Variants in GMDS observed in about 807,000 individuals in gnomAD.
The protein encoded by GMDS is GDP-mannose 4,6 dehydratase.
A neutral mutation model predicts 49.9 loss-of-function variants in GMDS; 20 were observed. The observed-to-expected ratio is 0.40, with a 90% CI of 0.28 to 0.58. GMDS has a LOEUF of 0.58. Among genes scored for constraint, GMDS ranks in the 20% least tolerant of loss-of-function variants. The probability of loss-of-function intolerance (pLI) is 0.42; values close to 1 mark genes in which losing one functional copy is unlikely to be tolerated. For missense variants in GMDS, 362 were observed against 481.4 expected (o/e 0.75, Z 2.32); for synonymous variants, 177 against 178.6 (o/e 0.99, Z 0.07).
At chr6:1,646,857 G>A (rs1471457703) in intron 9 of GMDS, among the ~76,000 whole-genome samples, 1 of 152,168 alleles carries the variant, frequency 6.6e-6, no homozygotes, top group Non-Finnish European at 1.5e-5. Flanking sequence ...TGAATGCCTG[G>A]GTCCTGGGCA....
At chr6:1,746,346 C>T (rs184777921) in intron 7 of GMDS, among the ~76,000 whole-genome samples, 16 of 152,284 alleles carry the variant, frequency 1.1e-4, no homozygotes, top group Admixed American at 2.0e-4. Context: ...CAGTCCTGAC[C>T]TGATTACCAG....
At chr6:1,948,281 C>G (rs997755204) in intron 6 of GMDS, among the ~76,000 whole-genome samples, 3 of 152,272 alleles carry the variant, frequency 2.0e-5, no homozygotes, top group African/African-American at 7.2e-5. Context: ...AAAGTTTTGA[C>G]TCAAACTAAA....
At chr6:1,979,020 C>T (rs902679208) in intron 4 of GMDS, among the ~76,000 whole-genome samples, 1 of 152,084 alleles carries the variant, frequency 6.6e-6, no homozygotes, top group Middle Eastern at 3.2e-3. Flanking sequence ...CACAAAACAA[C>T]AAAAACAAAA....
At chr6:1,678,337 G>A (rs1237906140) in intron 9 of GMDS, among the ~76,000 whole-genome samples, 5 of 152,262 alleles carry the variant, frequency 3.3e-5, no homozygotes, top group Admixed American at 2.6e-4. Context: ...CCCTCCCAAT[G>A]TTCCCACCCA....
intron 4 of GMDS, among the ~76,000 whole-genome samples, chr6:2,099,046 A>G (rs1036908162): frequency 6.6e-6 from 1 of 152,076 alleles, no homozygotes; most frequent in Non-Finnish European, 1.5e-5. Context: ...ATACTACAAT[A>G]CTGTCGCTTA....
intron 1 of GMDS, among the ~76,000 whole-genome samples, chr6:2,208,918 G>A (rs766980990): frequency 1.0e-4 from 15 of 149,468 alleles, no homozygotes; most frequent in African/African-American, 1.5e-4. Context: ...TAACAACTAC[G>A]TGTCTGACCC....
chr6:1,825,143 T>C lies in GMDS; in HGVS notation c.772-82557A>G, dbSNP rs116243348. On this transcript the variant is annotated intron_variant, in intron 7 of 10. Coordinates refer to ENST00000380815, the MANE Select transcript of GMDS (RefSeq NM_001500.4). ...ACGAAAGTCAGTCACCATTTCAGAG[T>C]TGCACACAGGACACAATGCCTAGTG... Among the ~76,000 whole-genome samples, 604 of 152,230 alleles carry C rather than the reference T, an allele frequency of 4.0e-3. 1 individual carries two copies. The highest frequency in any genetic ancestry group is 0.013 in the African/African-American group (559 of 41,530).
At chr6:2,104,852 G>A (rs1211985078) in intron 4 of GMDS, among the ~76,000 whole-genome samples, 1 of 152,018 alleles carries the variant, frequency 6.6e-6, no homozygotes, top group Non-Finnish European at 1.5e-5. Flanking sequence ...TTGCTAAATT[G>A]CAATCTAAAT....
chr6:1,798,978 T>C (rs1425423235), intron 7 of GMDS, among the ~76,000 whole-genome samples: 1 of 152,190 alleles, frequency 6.6e-6, no homozygotes, highest in Non-Finnish European at 1.5e-5. Context: ...ACATAGGGTG[T>C]TCTGGGCCTG....
chr6:1,891,157 A>G (rs1479522815), intron 7 of GMDS, among the ~76,000 whole-genome samples: 3 of 152,180 alleles, frequency 2.0e-5, no homozygotes, highest in Non-Finnish European at 2.9e-5. Context: ...TCCCCCACAC[A>G]GGCATTAGTC....
At chr6:1,893,053 C>G (rs1759954334) in intron 7 of GMDS, among the ~76,000 whole-genome samples, 2 of 152,334 alleles carry the variant, frequency 1.3e-5, no homozygotes, top group South Asian at 4.1e-4. Flanking sequence ...AGGCAAAGAA[C>G]TGGCTTTCGG....
At chr6:2,025,455 T>C (rs946774047) in intron 4 of GMDS, among the ~76,000 whole-genome samples, 1 of 151,064 alleles carries the variant, frequency 6.6e-6, no homozygotes, top group African/African-American at 2.4e-5. Context: ...GGATAAAATG[T>C]TCATGTCAAG....
chr6:1,904,821 C>T (rs531149483), intron 7 of GMDS, among the ~76,000 whole-genome samples: 1 of 152,326 alleles, frequency 6.6e-6, no homozygotes, highest in East Asian at 1.9e-4. Context: ...GCCCTGTTCC[C>T]TCCTTGGGGG....
At chr6:1,683,457 T>C (rs1418037013) in intron 9 of GMDS, among the ~76,000 whole-genome samples, 1 of 152,172 alleles carries the variant, frequency 6.6e-6, no homozygotes, top group Admixed American at 6.5e-5. Context: ...TTAGGATATC[T>C]GCCTCAAGCC....
chr6:2,227,792 G>A (rs562248274), intron 1 of GMDS, among the ~76,000 whole-genome samples: 10 of 152,300 alleles, frequency 6.6e-5, no homozygotes, highest in African/African-American at 1.9e-4. Context: ...AGGCAACAAC[G>A]GGGCCAGCTC....
intron 4 of GMDS, among the ~76,000 whole-genome samples, chr6:1,976,199 T>C (rs1325066576): frequency 1.6e-5 from 1 of 64,368 alleles, no homozygotes. Context: ...GTATACTCTT[T>C]GTTTAAGTCT....
At chr6:2,085,310 G>C (rs1260474335) in intron 4 of GMDS, among the ~76,000 whole-genome samples, 1 of 150,368 alleles carries the variant, frequency 6.7e-6, no homozygotes, top group African/African-American at 2.5e-5. Context: ...TTTTTTTCTT[G>C]TGAATCACCT....
chr6:2,198,516 T>C (rs1218774966), intron 1 of GMDS, among the ~76,000 whole-genome samples: 2 of 151,394 alleles, frequency 1.3e-5, no homozygotes, highest in East Asian at 3.9e-4. Flanking sequence ...TTTATATGAG[T>C]TTTTAATCAT....
chr6:2,174,602 C>T (rs1227582300), intron 1 of GMDS, among the ~76,000 whole-genome samples: 1 of 151,960 alleles, frequency 6.6e-6, no homozygotes, highest in Non-Finnish European at 1.5e-5. Context: ...GAGTCTTGCT[C>T]TGTCACCTGG....
Sources: gnomAD v4.1 joint callset for allele counts (sites outside exome capture counted in the v4.1 genomes callset) on GRCh38, gnomAD v4.1.1 for gene constraint, MANE v1.5 for transcripts, NCBI Gene and HGNC (gene_info 2026-07-23, HGNC 2026-07-21) for gene names.